The following F8 variants were observed in gnomAD, a reference collection of about 807,000 sequenced individuals.
F8 encodes antihemophilic factor.
Under a neutral mutation model 140.6 loss-of-function variants are expected in F8, and 12 were observed. The ratio of observed to expected loss-of-function variants is 0.09; its 90% CI spans 0.05 to 0.14. The LOEUF is 0.14. F8 is among the 10% of genes least tolerant of loss of function. F8 has a pLI of 1.00. For synonymous variants in F8, 585 were observed against 614.6 expected, an observed-to-expected ratio of 0.95 and a Z score of 0.71; for missense variants, 1,354 against 1,720.7, an observed-to-expected ratio of 0.79 and a Z score of 3.77.
At chrX:154,936,529 A>G (rs1349152145) in intron 13 of F8, among the ~76,000 whole-genome samples, 1 of 112,280 alleles carries the variant, frequency 8.9e-6, no homozygotes, top group Non-Finnish European at 1.9e-5. Flanking sequence ...AATTGATTTA[A>G]TAAGAATACA....
chrX:154,953,810 C>T lies in F8; in HGVS notation c.1903+82G>A, dbSNP rs782477557. On this transcript the variant is annotated intron_variant, in intron 12 of 25. Transcript: ENST00000360256. Reference sequence around the variant, plus strand: ...GTTAAATTTATGTGCACATACAATTCATTCATTATCTGGACATCACTTTGA... The same window carrying T: ...GTTAAATTTATGTGCACATACAATTTATTCATTATCTGGACATCACTTTGA... 2.3e-4 allele frequency: 241 copies of T among 1,068,965 alleles called. 2 individuals carry two copies. The highest frequency in any genetic ancestry group is 3.0e-4 in the Non-Finnish European group (232 of 767,403). The allele number at this position is 1,068,965 out of a possible 1,213,427, so 88.1% of individuals were successfully genotyped here.
At chrX:154,979,998 A>G in intron 6 of F8, among the ~76,000 whole-genome samples, 1 of 111,680 alleles carries the variant, frequency 9.0e-6, no homozygotes, top group South Asian at 3.7e-4. Flanking sequence ...CCTTTTCCCC[A>G]CATTAGGAAG....
intron 6 of F8, among the ~76,000 whole-genome samples, chrX:154,982,230 G>A (rs1381065445): frequency 5.7e-5 from 6 of 104,797 alleles, no homozygotes; most frequent in Non-Finnish European, 9.7e-5. Flanking sequence ...GGTGGATCAC[G>A]AGGTCAGGAG....
chrX:154,952,212 A>G (rs1227200205), intron 12 of F8, among the ~76,000 whole-genome samples: 5 of 112,660 alleles, frequency 4.4e-5, no homozygotes, highest in Non-Finnish European at 9.4e-5. Flanking sequence ...TGCCACTAGA[A>G]TTAAATACTA....
intron 1 of F8, among the ~76,000 whole-genome samples, chrX:155,017,127 C>A (rs928829568): frequency 8.9e-6 from 1 of 112,658 alleles, no homozygotes; most frequent in Non-Finnish European, 1.9e-5. Context: ...GAAGTCAGAG[C>A]AATTCCAAGC....
intron 6 of F8, among the ~76,000 whole-genome samples, chrX:154,980,906 G>C (rs1186082836): frequency 3.6e-5 from 4 of 112,201 alleles, no homozygotes; most frequent in Non-Finnish European, 5.6e-5. Flanking sequence ...AGGAGTTCAA[G>C]ACTGCAGTAA....
chrX:154,985,502 G>A (rs781899146), intron 5 of F8, among the ~76,000 whole-genome samples: 10 of 111,894 alleles, frequency 8.9e-5, no homozygotes, highest in Non-Finnish European at 1.7e-4. Context: ...CCCTGTCTCC[G>A]TTATAATTGC....
At chrX:154,903,138 C>T (rs782407460) in intron 18 of F8, among the ~76,000 whole-genome samples, 5 of 110,357 alleles carry the variant, frequency 4.5e-5, no homozygotes, top group East Asian at 2.8e-4. Flanking sequence ...AGAATTTTTA[C>T]GAAGAAATAA....
intron 6 of F8, among the ~76,000 whole-genome samples, chrX:154,971,924 C>A (rs2073458197): frequency 8.9e-6 from 1 of 112,158 alleles, no homozygotes; most frequent in African/African-American, 3.2e-5. Flanking sequence ...TCCATTCATC[C>A]ATTGATGGGC....
intron 7 of F8, among the ~76,000 whole-genome samples, chrX:154,967,976 G>A (rs2073434129): frequency 8.9e-6 from 1 of 111,830 alleles, no homozygotes. Flanking sequence ...TCTTTTCTAA[G>A]TCAACCAAGG....
intron 6 of F8, among the ~76,000 whole-genome samples, chrX:154,977,011 G>C (rs1257304948): frequency 9.0e-6 from 1 of 110,934 alleles, no homozygotes; most frequent in Non-Finnish European, 1.9e-5. Flanking sequence ...TCTTCTATCA[G>C]TATGTTTTAA....
At chrX:154,969,976 T>C (rs1273129810) in intron 6 of F8, among the ~76,000 whole-genome samples, 1 of 111,941 alleles carries the variant, frequency 8.9e-6, no homozygotes, top group Non-Finnish European at 1.9e-5. Flanking sequence ...AAAACCCACA[T>C]GTTCAAAACC....
rs1239892394 is a variant in F8 at position 155,022,640 on chromosome X, A to G, written c.-88T>C. ...TAGCTCCCAGGAGGGGAAAAAAGTAAAATTTCTGATTTAATGAAAAGTCCC... is the reference window on the plus strand; with the variant it reads ...TAGCTCCCAGGAGGGGAAAAAAGTAGAATTTCTGATTTAATGAAAAGTCCC... On this transcript the variant is annotated 5_prime_UTR_variant, in exon 1 of 26. Coordinates refer to ENST00000360256, the MANE Select transcript of F8 (RefSeq NM_000132.4). 4 of 1,198,444 alleles carry G rather than the reference A, an allele frequency of 3.3e-6. No homozygotes were observed. Among genetic ancestry groups the G allele is most frequent in the East Asian group, 6.0e-5 (2 of 33,395 alleles).
At chrX:154,888,380 AT>A (rs782710109) in intron 22 of F8, among the ~76,000 whole-genome samples, 3,304 of 21,434 alleles carry the variant, frequency 0.15, 97 homozygotes, top group Non-Finnish European at 0.18. Flanking sequence ...TGTAATAGGG[AT>A]TTTTTTTTTT....
At chrX:155,008,570 G>T (rs2073689070) in intron 1 of F8, among the ~76,000 whole-genome samples, 1 of 111,799 alleles carries the variant, frequency 8.9e-6, no homozygotes, top group African/African-American at 3.3e-5. Flanking sequence ...AGGGTGAGGG[G>T]CGCCCGGATG....
Position 154,984,373 on chromosome X carries a change from T to G in F8, c.787+314A>C, listed in dbSNP as rs782685643. Among the ~76,000 whole-genome samples, 5 of 112,235 alleles carry G rather than the reference T, an allele frequency of 4.5e-5. No individual in the cohort carries two copies. The East Asian group carries it at 1.4e-3, about 31-fold the overall frequency. ...TTTTTATTCTGGGATTATTATTTTCTTTGTTCATCTTTGCATATCCCTTCC... is the reference window on the plus strand; with the variant it reads ...TTTTTATTCTGGGATTATTATTTTCGTTGTTCATCTTTGCATATCCCTTCC... On this transcript the variant is annotated intron_variant, in intron 6 of 25. Coordinates refer to ENST00000360256, the MANE Select transcript of F8 (RefSeq NM_000132.4).
chrX:154,937,264 A>G (rs2073229571), intron 13 of F8, among the ~76,000 whole-genome samples: 1 of 111,704 alleles, frequency 9.0e-6, no homozygotes, highest in African/African-American at 3.2e-5. Context: ...AATTCAACAT[A>G]GAAAATAAAC....
intron 1 of F8, among the ~76,000 whole-genome samples, chrX:155,021,657 G>T (rs1444190543): frequency 9.0e-6 from 1 of 111,476 alleles, no homozygotes; most frequent in African/African-American, 3.3e-5. Flanking sequence ...TAAAAGAGAG[G>T]AAGAGAACAT....
At chrX:155,020,383 C>T (rs926701729) in intron 1 of F8, among the ~76,000 whole-genome samples, 1 of 112,003 alleles carries the variant, frequency 8.9e-6, no homozygotes, top group Admixed American at 9.5e-5. Context: ...ATAATTGAAG[C>T]AATGCATATA....
Sources: gnomAD v4.1 joint callset for allele counts (sites outside exome capture counted in the v4.1 genomes callset) on GRCh38, gnomAD v4.1.1 for gene constraint, MANE v1.5 for transcripts, NCBI Gene and HGNC (gene_info 2026-07-23, HGNC 2026-07-21) for gene names.